The following XRCC5 variants were observed in gnomAD, a reference collection of about 807,000 sequenced individuals.
XRCC5 encodes X-ray repair cross complementing 5, also known as DNA repair protein Ku80.
Under a neutral mutation model 95.7 loss-of-function variants are expected in XRCC5, and 12 were observed. That is an observed-to-expected ratio of 0.13 (90% confidence interval 0.08 to 0.20). The LOEUF (loss-of-function observed/expected upper bound fraction) is 0.20. Ranked by LOEUF, XRCC5 falls within the 10% of genes least tolerant of loss-of-function variation. XRCC5 has a pLI of 1.00. For missense variants in XRCC5, 595 were observed against 873.9 expected, an observed-to-expected ratio of 0.68 and a Z score of 4.02; for synonymous variants, 281 against 290.3, an observed-to-expected ratio of 0.97 and a Z score of 0.33.
At chr2:216,160,396 A>G (rs1214553531) in intron 15 of XRCC5, among the ~76,000 whole-genome samples, 1 of 152,206 alleles carries the variant, frequency 6.6e-6, no homozygotes, top group East Asian at 1.9e-4. Context: ...AGAGCTCTTT[A>G]TAGAACGTGG....
At chr2:216,201,280 T>C (rs1689828964) in intron 19 of XRCC5, among the ~76,000 whole-genome samples, 1 of 152,204 alleles carries the variant, frequency 6.6e-6, no homozygotes, top group South Asian at 2.1e-4. Flanking sequence ...AAACTGACTT[T>C]TATTCTTTTT....
chr2:216,147,118 T>C (rs1688650752), intron 13 of XRCC5, among the ~76,000 whole-genome samples: 1 of 151,250 alleles, frequency 6.6e-6, no homozygotes, highest in Non-Finnish European at 1.5e-5. Flanking sequence ...TCATATAGAG[T>C]GTCAGGGAAG....
intron 14 of XRCC5, among the ~76,000 whole-genome samples, chr2:216,151,127 C>A (rs184897835): frequency 6.6e-6 from 1 of 152,202 alleles, no homozygotes; most frequent in African/African-American, 2.4e-5. Context: ...AACATTGAAC[C>A]TTTGAGAAGA....
intron 16 of XRCC5, among the ~76,000 whole-genome samples, chr2:216,188,708 T>A (rs1159860660): frequency 6.6e-6 from 1 of 152,246 alleles, no homozygotes; most frequent in African/African-American, 2.4e-5. Flanking sequence ...AGATAACTTC[T>A]GTTTGCTTTG....
Position 216,116,841 on chromosome 2 carries a change from C to T in XRCC5, c.318C>T (p.Asp106=), listed in dbSNP as rs1490427648. The change falls in exon 3 of 21, where the codon GAC becomes GAT. Residue 106 remains aspartate (D), a splice_region_variant and synonymous_variant. Transcript: ENST00000392132. ...SKIQPGSQQA[D]FLDALIVSMD... ...TCCAACCAGGTTCTCAACAGGCTGA[C>T]TGTATCCTTTTTCTGCCAGAGAAGA... 4 of 1,611,870 alleles carry T rather than the reference C, an allele frequency of 2.5e-6. No homozygotes were observed. The highest frequency in any genetic ancestry group is 3.4e-6 in the Non-Finnish European group (4 of 1,178,258).
chr2:216,143,687 G>GAT (rs1427711286), intron 13 of XRCC5, among the ~76,000 whole-genome samples: 32 of 151,192 alleles, frequency 2.1e-4, no homozygotes. Flanking sequence ...ACGTGCGAAA[G>GAT]ATACTATAAG....
intron 12 of XRCC5, 91 bp from the exon 13 acceptor site, chr2:216,141,095 A>G: frequency 6.7e-7 from 1 of 1,499,750 alleles, no homozygotes; most frequent in Non-Finnish European, 9.1e-7. Context: ...ATAACCTGCC[A>G]ATATTGCCGT....
At chr2:216,180,398 G>C (rs1299201823) in intron 16 of XRCC5, among the ~76,000 whole-genome samples, 4 of 152,228 alleles carry the variant, frequency 2.6e-5, no homozygotes, top group Admixed American at 1.3e-4. Context: ...GGCCAAGGCG[G>C]GTGGATCACT....
At chr2:216,180,812 CTTTTT>C (rs112178335) in intron 16 of XRCC5, among the ~76,000 whole-genome samples, 1 of 140,720 alleles carries the variant, frequency 7.1e-6, no homozygotes, top group African/African-American at 2.6e-5. Flanking sequence ...CCTTGAGTAT[CTTTTT>C]TTTTTTTTTT....
chr2:216,154,437 C>T (rs144469527), intron 14 of XRCC5, among the ~76,000 whole-genome samples: 1,854 of 152,204 alleles, frequency 0.012, 51 homozygotes, highest in African/African-American at 0.042. Context: ...TAAAAAGAAA[C>T]GTAAGCTCTT....
At chr2:216,192,067 C>T (rs1320298895) in intron 17 of XRCC5, among the ~76,000 whole-genome samples, 5 of 152,112 alleles carry the variant, frequency 3.3e-5, no homozygotes, top group African/African-American at 7.2e-5. Flanking sequence ...GGCATGATCT[C>T]GGCTCACTGC....
intron 14 of XRCC5, chr2:216,156,469 A>T (rs1688844513): frequency 4.4e-6 from 3 of 682,492 alleles, no homozygotes; most frequent in Admixed American, 3.6e-5. Flanking sequence ...GGTCAGATCT[A>T]CATAAGCCTC....
At position 216,205,282 on chromosome 2, in the gene XRCC5, CATT is replaced by C; in HGVS notation, c.*81_*83del. On this transcript the variant is annotated 3_prime_UTR_variant, in exon 21 of 21. Coordinates refer to ENST00000392132, the MANE Select transcript of XRCC5 (RefSeq NM_021141.4). ...TCTAACAAAACAAGTTGGATGCGGC[CATT>C]CAAGGGGAGCCAAAATCTCAAGAAA... The C allele has an allele frequency of 6.3e-7, 1 of 1,583,434 alleles. No homozygotes were observed.
In XRCC5 at chr2:216,199,808, ATCTTTTTTTTTT is replaced by A. The variant is rs1689801561; in HGVS notation, c.2110-4512_2110-4501del. Among the ~76,000 whole-genome samples, 3 of 121,890 alleles carry A rather than the reference ATCTTTTTTTTTT, an allele frequency of 2.5e-5. No individual in the cohort carries two copies. The Admixed American group carries it at 2.6e-4, about 10-fold the overall frequency. 80.0% of individuals were successfully genotyped at this position (121,890 alleles called of 152,430 possible). ...GAGGATTTATCCCCATGGCATTGGG[ATCTTTTTTTTTT>A]TTTTTTTTTTTTTTACCAGATTCCA... On this transcript the variant is annotated intron_variant, in intron 19 of 20. Coordinates refer to ENST00000392132, the MANE Select transcript of XRCC5 (RefSeq NM_021141.4).
chr2:216,176,128 T>A (rs775792369), intron 16 of XRCC5: 1 of 163,600 alleles, frequency 6.1e-6, no homozygotes, highest in Non-Finnish European at 1.3e-5. Context: ...AATTTTTTTC[T>A]TTTTTTTGGA....
chr2:216,158,858 T>A (rs896974044), intron 14 of XRCC5, among the ~76,000 whole-genome samples: 3 of 152,236 alleles, frequency 2.0e-5, no homozygotes, highest in African/African-American at 7.2e-5. Flanking sequence ...ATGTTTTATT[T>A]TCTCTTGGCT....
Position 216,167,471 on chromosome 2 carries a change from A to G in XRCC5, c.1834+5423A>G, listed in dbSNP as rs538978173. The stretch of plus-strand genomic sequence containing the variant: ...ATCCCATTTGCATAGCTGTTTACTT[A>G]CATACATTATGTGATTTTCTGCCAG... On this transcript the variant is annotated intron_variant, in intron 16 of 20. Coordinates refer to ENST00000392132, the MANE Select transcript of XRCC5 (RefSeq NM_021141.4). Among the ~76,000 whole-genome samples the G allele has an allele frequency of 1.2e-3, 176 of 152,162 alleles. 1 individual carries two copies. Among genetic ancestry groups the G allele is most frequent in the African/African-American group, 4.0e-3 (168 of 41,544 alleles).
intron 13 of XRCC5, among the ~76,000 whole-genome samples, chr2:216,147,821 T>C (rs1007683048): frequency 6.6e-6 from 1 of 152,182 alleles, no homozygotes; most frequent in Non-Finnish European, 1.5e-5. Flanking sequence ...AGCTTTGATT[T>C]ATAAGGTGAG....
intron 1 of XRCC5, among the ~76,000 whole-genome samples, chr2:216,109,894 TAAGAG>T (rs906477473): frequency 2.6e-5 from 4 of 152,178 alleles, no homozygotes; most frequent in African/African-American, 7.2e-5. Flanking sequence ...TTGTAAAACT[TAAGAG>T]AGGGACTATC....
Sources: allele counts gnomAD v4.1 joint callset (sites outside exome capture counted in the v4.1 genomes callset), GRCh38; gene constraint gnomAD v4.1.1; transcripts MANE v1.5; gene names NCBI Gene and HGNC (gene_info 2026-07-23, HGNC 2026-07-21).